ZFY: variants seen among roughly 807,000 people sequenced by gnomAD.
ZFY encodes zinc finger protein Y-linked.
For missense variants in ZFY, 113 were observed against 170.9 expected (o/e 0.66, Z 1.89); for synonymous variants, 47 against 55.8 (o/e 0.84, Z 0.71).
chrY:2,947,390 T>C (rs111408843), intron 1 of ZFY, among the ~76,000 whole-genome samples: 28 of 33,870 alleles, frequency 8.3e-4, no homozygotes, highest in African/African-American at 3.1e-3. Context: ...AAAGAAAATA[T>C]ATTCAAGGGC....
intron 1 of ZFY, among the ~76,000 whole-genome samples, chrY:2,952,365 A>T (rs773067826): frequency 2.9e-5 from 1 of 34,284 alleles, no homozygotes; most frequent in African/African-American, 1.1e-4. Context: ...AATTATGCAG[A>T]GAAGATTAGT....
intron 1 of ZFY, among the ~76,000 whole-genome samples, chrY:2,940,114 G>A (rs773242576): frequency 2.1e-4 from 7 of 33,486 alleles, no homozygotes; most frequent in African/African-American, 8.1e-4. Flanking sequence ...CTTGAATTGT[G>A]TAAGTGTTAA....
Position 2,961,252 on chromosome Y carries a change from C to T in ZFY, c.240C>T (p.Cys80=). 1 of 398,922 alleles carries T rather than the reference C, an allele frequency of 2.5e-6. No homozygotes were observed. The highest frequency in any genetic ancestry group is 3.5e-6 in the Non-Finnish European group (1 of 283,562). The stretch of plus-strand genomic sequence containing the variant: ...TTGTCATAGAGGAGGATGTTCAGTG[C>T]TCAGATATCTTAGAAGAGGCAGATG... ...EDVVIEEDVQ[C]SDILEEADVS... The change falls in exon 3 of 8, where the codon TGC becomes TGT. Residue 80 remains cysteine (C), a synonymous_variant. Transcript: ENST00000155093.
At chrY:2,937,130 C>G in intron 1 of ZFY, among the ~76,000 whole-genome samples, 1 of 33,187 alleles carries the variant, frequency 3.0e-5, no homozygotes, top group Non-Finnish European at 7.4e-5. Context: ...GCAGCTGTTA[C>G]AAAAGTTTAA....
intron 5 of ZFY, 111 bp from the exon 6 acceptor site, chrY:2,976,559 G>A (rs2051371622): frequency 1.2e-5 from 2 of 168,870 alleles, no homozygotes; most frequent in Non-Finnish European, 2.0e-5. Context: ...TATGGTGAAA[G>A]CCAAGAAACG....
chrY:2,940,959 T>C, intron 1 of ZFY, among the ~76,000 whole-genome samples: 1 of 33,939 alleles, frequency 2.9e-5, no homozygotes, highest in Non-Finnish European at 7.3e-5. Context: ...TCCACCTGTT[T>C]TATTTAAGCC....
At chrY:2,970,538 C>T (rs1043495857) in intron 3 of ZFY, among the ~76,000 whole-genome samples, 1 of 33,838 alleles carries the variant, frequency 3.0e-5, no homozygotes, top group Non-Finnish European at 7.3e-5. Flanking sequence ...TTAATTTAGA[C>T]AAAATGCAGT....
Position 2,978,848 on chromosome Y carries a change from T to G in ZFY, c.1261T>G (p.Tyr421Asp). 1 of 398,927 alleles carries G rather than the reference T, an allele frequency of 2.5e-6. No individual in the cohort carries two copies. Among genetic ancestry groups the G allele is most frequent in the Non-Finnish European group, 3.5e-6 (1 of 283,691 alleles). The change falls in exon 8 of 8, where the codon TAT becomes GAT. Residue 421 changes from tyrosine (Y) to aspartate (D), a missense_variant. By Grantham distance (160) the Tyr-to-Asp change is radical. Coordinates refer to ENST00000155093, the MANE Select transcript of ZFY (RefSeq NM_003411.4). The stretch of plus-strand genomic sequence containing the variant: ...CCCTGATGGTCATCCTTTGACTGTC[T>G]ATCCTTGCATGATTTGTGGGAAGAA... ...IGPDGHPLTV[Y>D]PCMICGKKFK...
At position 2,976,795 on chromosome Y, in the gene ZFY, G is replaced by A; in HGVS notation, c.1054G>A (p.Val352Ile). The change falls in exon 6 of 8, where the codon GTA becomes ATA. Residue 352 changes from valine to isoleucine, a missense_variant. By Grantham distance (29) the Val-to-Ile change is conservative. Transcript: ENST00000155093. Reference protein sequence around the residue: ...QIDEDEMKTFVPIAWAAAYGN... With the variant: ...QIDEDEMKTFIPIAWAAAYGN... ...TGATGAGGATGAAATGAAAACCTTC[G>A]TACCAATTGCATGGGCAGCAGCTTA... 2.5e-6 allele frequency: 1 copy of A among 397,230 alleles called. No homozygotes were observed. Among genetic ancestry groups the A allele is most frequent in the Non-Finnish European group, 3.5e-6 (1 of 282,736 alleles).
rs755997132 is a variant in ZFY, at chrY:2,975,873, C to T, written c.928+219C>T. Among the ~76,000 whole-genome samples the T allele has an allele frequency of 1.9e-4, 6 of 31,857 alleles. No individual in the cohort carries two copies. In the East Asian group the frequency reaches 5.1e-3, roughly 27 times the overall value. 85.5% of individuals were successfully genotyped at this position (31,857 alleles called of 37,273 possible). On this transcript the variant is annotated intron_variant, in intron 5 of 7. Transcript: ENST00000155093. ...AGTGGGCCCCAGTGTGTGATGTTCC[C>T]CTCCGTGTGTCCATGTGTCCTCATT... is the stretch of plus-strand genomic sequence containing the variant.
chrY:2,953,335 A>C (rs2051283789), intron 1 of ZFY, among the ~76,000 whole-genome samples: 1 of 27,366 alleles, frequency 3.7e-5, no homozygotes, highest in Non-Finnish European at 8.9e-5. Flanking sequence ...GGCCCTGTTT[A>C]CAAAAAAAAA....
At chrY:2,945,063 A>G in intron 1 of ZFY, among the ~76,000 whole-genome samples, 1 of 32,049 alleles carries the variant, frequency 3.1e-5, no homozygotes, top group African/African-American at 1.2e-4. Context: ...TTTTTTTGAC[A>G]TTTGATCTAT....
intron 1 of ZFY, among the ~76,000 whole-genome samples, chrY:2,936,463 G>GACAGT (rs2051216469): frequency 2.9e-5 from 1 of 34,070 alleles, no homozygotes; most frequent in Non-Finnish European, 7.3e-5. Flanking sequence ...TCGTCCAATA[G>GACAGT]ACAGTACAGT....
At chrY:2,941,396 T>C in intron 1 of ZFY, among the ~76,000 whole-genome samples, 1 of 33,438 alleles carries the variant, frequency 3.0e-5, no homozygotes, top group Non-Finnish European at 7.4e-5. Flanking sequence ...CTGAAGTGTA[T>C]GTGCATTGTC....
At chrY:2,936,662 CATTACTTGTAGGTTCATAT>C (rs2051217772) in intron 1 of ZFY, among the ~76,000 whole-genome samples, 1 of 33,930 alleles carries the variant, frequency 2.9e-5, no homozygotes, top group Non-Finnish European at 7.3e-5. Flanking sequence ...ACAATTCATG[CATTACTTGTAGGTTCATAT>C]ACCCATGATG....
chrY:2,957,763 A>G (rs2051297238), intron 2 of ZFY, among the ~76,000 whole-genome samples: 1 of 33,698 alleles, frequency 3.0e-5, no homozygotes. Flanking sequence ...GTTCAAAACA[A>G]ATTTATTGTC....
Position 2,980,207 on chromosome Y carries a change from A to G in ZFY, c.*214A>G. The G allele has an allele frequency of 5.1e-5, 7 of 138,298 alleles. No homozygotes were observed. Among genetic ancestry groups the G allele is most frequent in the Non-Finnish European group, 9.4e-5 (7 of 74,642 alleles). The allele number at this position is 138,298 out of a possible 400,897, so 34.5% of individuals were successfully genotyped here. Reference sequence around the variant, plus strand: ...AGATGAGGAAAAATAGCAACAAGCAAGTTGCTTATAATAAAATAATTTGTG... The same window carrying G: ...AGATGAGGAAAAATAGCAACAAGCAGGTTGCTTATAATAAAATAATTTGTG... On this transcript the variant is annotated 3_prime_UTR_variant, in exon 8 of 8. Coordinates refer to ENST00000155093, the MANE Select transcript of ZFY (RefSeq NM_003411.4).
intron 5 of ZFY, 131 bp from the exon 6 acceptor site, chrY:2,976,539 A>G: frequency 6.3e-6 from 1 of 159,627 alleles, no homozygotes; most frequent in Non-Finnish European, 1.1e-5. Context: ...TAGTTGCTTT[A>G]TAAACTAATT....
At position 2,963,627 on chromosome Y, in the gene ZFY, A is replaced by C. The variant is rs1310332786; in HGVS notation, c.634+1981A>C. Among the ~76,000 whole-genome samples the C allele has an allele frequency of 1.2e-4, 4 of 32,981 alleles. No individual in the cohort carries two copies. The East Asian group carries it at 3.1e-3, about 26-fold the overall frequency. The allele number at this position is 32,981 out of a possible 37,273, so 88.5% of individuals were successfully genotyped here. ...TTTAGCAATCTACCTGGTGTTTCTA[A>C]TAAATTATGACTTTGGTCATAGTGA... On this transcript the variant is annotated intron_variant, in intron 3 of 7. Coordinates refer to ENST00000155093, the MANE Select transcript of ZFY (RefSeq NM_003411.4).
Sources: allele counts gnomAD v4.1 joint callset (sites outside exome capture counted in the v4.1 genomes callset), GRCh38; gene constraint gnomAD v4.1.1; transcripts MANE v1.5; gene names NCBI Gene and HGNC (gene_info 2026-07-23, HGNC 2026-07-21).